HERC4: variants seen among roughly 807,000 people sequenced by gnomAD.
HERC4 encodes the protein probable E3 ubiquitin-protein ligase HERC4.
In HERC4, 28 loss-of-function variants were observed where a neutral mutation model predicts 124.3. The ratio of observed to expected loss-of-function variants is 0.23; its 90% CI spans 0.17 to 0.31. The LOEUF (loss-of-function observed/expected upper bound fraction) is 0.31, where lower values mean the gene tolerates loss of function less well. Among genes scored for constraint, HERC4 ranks in the 10% least tolerant of loss-of-function variants. The probability of loss-of-function intolerance (pLI) is 1.00; values close to 1 mark genes in which losing one functional copy is unlikely to be tolerated. For synonymous variants in HERC4, 407 were observed against 421.5 expected, an observed-to-expected ratio of 0.97 and a Z score of 0.42; for missense variants, 713 against 1,229.3, an observed-to-expected ratio of 0.58 and a Z score of 6.28.
chr10:67,968,594 C>T (rs2035040913), intron 15 of HERC4, among the ~76,000 whole-genome samples: 1 of 151,970 alleles, frequency 6.6e-6, no homozygotes, highest in Non-Finnish European at 1.5e-5. Flanking sequence ...CCAGGATGGT[C>T]TCAATCTCCT....
chr10:67,980,353 G>A (rs1053953550), intron 15 of HERC4, among the ~76,000 whole-genome samples: 4 of 151,916 alleles, frequency 2.6e-5, no homozygotes, highest in South Asian at 2.1e-4. Flanking sequence ...GGCTGGTCTC[G>A]AACTCCCGAC....
intron 3 of HERC4, among the ~76,000 whole-genome samples, chr10:68,066,695 G>T (rs1358763548): frequency 6.6e-6 from 1 of 152,132 alleles, no homozygotes; most frequent in Non-Finnish European, 1.5e-5. Flanking sequence ...AGTTACTATG[G>T]ACCTTGGCTT....
At chr10:68,045,603 C>A (rs548822806) in intron 3 of HERC4, among the ~76,000 whole-genome samples, 21 of 152,232 alleles carry the variant, frequency 1.4e-4, no homozygotes, top group African/African-American at 4.6e-4. Flanking sequence ...CATCAATTGA[C>A]AAATCAATAA....
intron 9 of HERC4, among the ~76,000 whole-genome samples, chr10:68,009,867 T>C (rs1250056020): frequency 3.3e-5 from 5 of 152,194 alleles, no homozygotes; most frequent in Non-Finnish European, 5.9e-5. Context: ...TCACCAGCAG[T>C]AGGTTCCATC....
At chr10:67,970,838 A>G (rs1382888394) in intron 15 of HERC4, among the ~76,000 whole-genome samples, 1 of 152,014 alleles carries the variant, frequency 6.6e-6, no homozygotes. Context: ...TCAATGATCA[A>G]TGTTTCTGCT....
chr10:67,949,546 G>A (rs1354979972), intron 19 of HERC4, among the ~76,000 whole-genome samples: 2 of 152,108 alleles, frequency 1.3e-5, no homozygotes. Flanking sequence ...TATGACTATA[G>A]ATGTGAAAAT....
intron 3 of HERC4, among the ~76,000 whole-genome samples, chr10:68,044,863 T>G (rs2039939626): frequency 6.6e-6 from 1 of 152,092 alleles, no homozygotes; most frequent in Non-Finnish European, 1.5e-5. Flanking sequence ...TTATAAAGAT[T>G]CTCTCAGAAT....
chr10:68,050,240 G>A (rs1161524815), intron 3 of HERC4, among the ~76,000 whole-genome samples: 1 of 152,138 alleles, frequency 6.6e-6, no homozygotes, highest in Non-Finnish European at 1.5e-5. Context: ...AAGGGATATA[G>A]GCAGAGGGAA....
Position 67,956,929 on chromosome 10 carries a change from A to G in HERC4, c.1974T>C (p.Asp658=). ...GTAACAGAGTAGTTTTTGCTTGGGC[A>G]TCAAATACAAATGGATATGTACAGA... ...VTICTYPFVF[D]AQAKTTLLQT... is the part of the protein sequence containing the mutation. The change falls in exon 17 of 25, where the codon GAT becomes GAC. Residue 658 remains aspartate (D), a synonymous_variant. Transcript: ENST00000373700. 6.2e-7 allele frequency: 1 copy of G among 1,603,168 alleles called. No homozygotes were observed. The highest frequency in any genetic ancestry group is 1.1e-5 in the South Asian group (1 of 88,588).
intron 4 of HERC4, chr10:68,039,900 T>C (rs1015148954): frequency 1.4e-5 from 14 of 990,820 alleles, no homozygotes; most frequent in Non-Finnish European, 1.6e-5. Flanking sequence ...AAATGAAACA[T>C]TTCAAAATAC....
chr10:68,017,427 ATGT>A (rs1463121971), intron 8 of HERC4, among the ~76,000 whole-genome samples: 1 of 152,256 alleles, frequency 6.6e-6, no homozygotes, highest in Non-Finnish European at 1.5e-5. Context: ...TGTCACTGAC[ATGT>A]TGTTTGTGCA....
At chr10:68,032,067 C>T (rs969330992) in intron 7 of HERC4, among the ~76,000 whole-genome samples, 10 of 152,072 alleles carry the variant, frequency 6.6e-5, no homozygotes, top group Admixed American at 5.9e-4. Context: ...TGTCTTTTTA[C>T]CAATTTTATA....
intron 5 of HERC4, among the ~76,000 whole-genome samples, chr10:68,034,624 T>C (rs1291341416): frequency 2.0e-5 from 3 of 152,174 alleles, no homozygotes; most frequent in Admixed American, 1.3e-4. Flanking sequence ...AAAACCCACA[T>C]AACCCATTGT....
chr10:68,005,181 T>C lies in HERC4; in HGVS notation c.1069+8845A>G, dbSNP rs2037465745. Among the ~76,000 whole-genome samples the C allele has an allele frequency of 3.9e-5, 6 of 152,342 alleles. No homozygotes were observed. The South Asian group carries it at 1.2e-3, about 32-fold the overall frequency. On this transcript the variant is annotated intron_variant, in intron 9 of 24. Transcript: ENST00000373700. ...AATTTTATTGGGGTCTGTCTCTTGT[T>C]AGCTCTAACAATATCCGCTTTGTAT...
intron 20 of HERC4, among the ~76,000 whole-genome samples, chr10:67,940,347 C>T (rs2032772183): frequency 6.6e-6 from 1 of 152,144 alleles, no homozygotes; most frequent in East Asian, 1.9e-4. Context: ...TTTAACCACT[C>T]TCAGAAAAAA....
At chr10:68,004,269 CAG>C (rs2037410846) in intron 9 of HERC4, among the ~76,000 whole-genome samples, 1 of 152,160 alleles carries the variant, frequency 6.6e-6, no homozygotes, top group Admixed American at 6.5e-5. Flanking sequence ...GTTGAAACAA[CAG>C]AGTTGTCTTT....
rs998902785 is a variant in HERC4 at position 68,060,589 on chromosome 10, T to C, written c.226+12294A>G. Among the ~76,000 whole-genome samples, 11 of 152,284 alleles carry C rather than the reference T, an allele frequency of 7.2e-5. No individual in the cohort carries two copies. The East Asian group carries it at 7.7e-4, about 11-fold the overall frequency. ...AACACTAAATTTCTCTCCAATTATA[T>C]GGTTTATGTGTTTCTTCACCCTATA... On this transcript the variant is annotated intron_variant, in intron 3 of 24. Transcript: ENST00000373700.
chr10:67,972,353 C>A (rs2035291619), intron 15 of HERC4, among the ~76,000 whole-genome samples: 1 of 150,892 alleles, frequency 6.6e-6, no homozygotes, highest in Non-Finnish European at 1.5e-5. Context: ...GAAACCCCAT[C>A]TCTACTAATA....
intron 19 of HERC4, among the ~76,000 whole-genome samples, chr10:67,945,540 G>C (rs1014939212): frequency 1.3e-5 from 2 of 152,058 alleles, no homozygotes; most frequent in Admixed American, 6.5e-5. Context: ...TAAATACACA[G>C]AAAAACAGAA....
Sources: allele counts gnomAD v4.1 joint callset (sites outside exome capture counted in the v4.1 genomes callset), GRCh38; gene constraint gnomAD v4.1.1; transcripts MANE v1.5; gene names NCBI Gene and HGNC (gene_info 2026-07-23, HGNC 2026-07-21).